The following ADGRL3 variants were observed in gnomAD, a reference collection of about 807,000 sequenced individuals.
ADGRL3 encodes the protein calcium-independent alpha-latrotoxin receptor 3.
A neutral mutation model predicts 153.5 loss-of-function variants in ADGRL3; 62 were observed. The ratio of observed to expected loss-of-function variants is 0.40; its 90% CI spans 0.33 to 0.50. The LOEUF (loss-of-function observed/expected upper bound fraction) is 0.50. Ranked by LOEUF, ADGRL3 falls within the 20% of genes least tolerant of loss-of-function variation. The pLI is 0.47. For missense variants in ADGRL3, 1,641 were observed against 1,859.4 expected, an observed-to-expected ratio of 0.88 and a Z score of 2.16; for synonymous variants, 710 against 672.5, an observed-to-expected ratio of 1.06 and a Z score of -0.86.
chr4:61,889,742 A>G (rs1275550929), intron 9 of ADGRL3, among the ~76,000 whole-genome samples: 1 of 152,178 alleles, frequency 6.6e-6, no homozygotes, highest in Admixed American at 6.5e-5. Flanking sequence ...CATATATCAC[A>G]CAGCAAGCAA....
intron 5 of ADGRL3, among the ~76,000 whole-genome samples, chr4:61,596,770 A>G (rs1472465724): frequency 6.6e-6 from 1 of 152,050 alleles, no homozygotes; most frequent in East Asian, 1.9e-4. Context: ...AAGTGGGAGG[A>G]TTGCTTGAGT....
At chr4:61,891,114 A>G (rs1428361237) in intron 9 of ADGRL3, among the ~76,000 whole-genome samples, 2 of 152,214 alleles carry the variant, frequency 1.3e-5, no homozygotes, top group Non-Finnish European at 2.9e-5. Context: ...AAAAGTAAAT[A>G]TTGAAATGAC....
At chr4:62,020,083 TGTTCTA>T (rs1268387051) in intron 21 of ADGRL3, among the ~76,000 whole-genome samples, 2 of 152,146 alleles carry the variant, frequency 1.3e-5, no homozygotes, top group African/African-American at 4.8e-5. Flanking sequence ...GCTTTTCTTG[TGTTCTA>T]GTTATTCTCC....
chr4:62,006,023 TATATATATA>T (rs1221755222), intron 21 of ADGRL3, among the ~76,000 whole-genome samples: 152 of 104,332 alleles, frequency 1.5e-3, no homozygotes, highest in African/African-American at 4.9e-3. Flanking sequence ...TATATATATA[TATATATATA>T]TTTTTTTTTT....
intron 9 of ADGRL3, among the ~76,000 whole-genome samples, chr4:61,843,670 T>C (rs2098068473): frequency 6.6e-6 from 1 of 152,204 alleles, no homozygotes; most frequent in Non-Finnish European, 1.5e-5. Context: ...GGATTTTCTG[T>C]CACTAACAGA....
intron 8 of ADGRL3, among the ~76,000 whole-genome samples, chr4:61,771,152 C>T (rs2097081264): frequency 6.6e-6 from 1 of 152,164 alleles, no homozygotes; most frequent in Non-Finnish European, 1.5e-5. Context: ...GACTGAGTCC[C>T]TCCATATTGA....
chr4:61,533,307 A>C (rs1301639887), intron 4 of ADGRL3, among the ~76,000 whole-genome samples: 2 of 152,162 alleles, frequency 1.3e-5, no homozygotes, highest in South Asian at 2.1e-4. Context: ...GAAGAGGTAG[A>C]CTGGTTTTAG....
rs1225945251 is a variant in ADGRL3, at chr4:61,230,944, G to C, written c.-240+29179G>C. Among the ~76,000 whole-genome samples, 4 of 152,176 alleles carry C rather than the reference G, an allele frequency of 2.6e-5. No individual in the cohort carries two copies. The East Asian group carries it at 5.8e-4, about 22-fold the overall frequency. On this transcript the variant is annotated intron_variant, in intron 1 of 26. Transcript: ENST00000683033. ...GGGTGGCTTGGCCACAGTTTGTCAG[G>C]TTTTTGTCCCGTGCAAGCATCTAGT...
chr4:61,962,532 G>T (rs915704186), intron 17 of ADGRL3, among the ~76,000 whole-genome samples: 4 of 151,892 alleles, frequency 2.6e-5, no homozygotes, highest in Non-Finnish European at 4.4e-5. Context: ...ATGATATTTT[G>T]TAAAGTCCAG....
intron 4 of ADGRL3, among the ~76,000 whole-genome samples, chr4:61,528,508 A>G (rs1036657290): frequency 6.6e-6 from 1 of 152,108 alleles, no homozygotes; most frequent in African/African-American, 2.4e-5. Context: ...GAGTAAATAA[A>G]TTAATAGGAT....
intron 1 of ADGRL3, among the ~76,000 whole-genome samples, chr4:61,207,063 ATTATAC>A (rs1218037232): frequency 6.6e-6 from 1 of 152,182 alleles, no homozygotes; most frequent in Non-Finnish European, 1.5e-5. Context: ...TATTATTATT[ATTATAC>A]TTTTAAATTC....
chr4:61,684,430 C>T (rs573199677), intron 6 of ADGRL3, among the ~76,000 whole-genome samples: 2 of 152,136 alleles, frequency 1.3e-5, no homozygotes, highest in African/African-American at 4.8e-5. Flanking sequence ...TGTGTTCCTG[C>T]TAATCTAATT....
chr4:61,951,628 G>T, intron 17 of ADGRL3, among the ~76,000 whole-genome samples: 1 of 152,186 alleles, frequency 6.6e-6, no homozygotes, highest in East Asian at 1.9e-4. Flanking sequence ...TACTTCGGGA[G>T]GCTGAGGTGG....
intron 4 of ADGRL3, among the ~76,000 whole-genome samples, chr4:61,518,860 T>A (rs1426262482): frequency 6.6e-6 from 1 of 152,248 alleles, no homozygotes; most frequent in African/African-American, 2.4e-5. Context: ...TTTCCCTTTC[T>A]GTTTTATTTG....
intron 14 of ADGRL3, among the ~76,000 whole-genome samples, chr4:61,935,473 A>G (rs963943491): frequency 2.0e-5 from 3 of 152,184 alleles, no homozygotes; most frequent in African/African-American, 7.2e-5. Flanking sequence ...TATAAAGGAT[A>G]TCAGTCTATT....
Position 61,909,541 on chromosome 4 carries a change from T to G in ADGRL3, c.1888-19T>G. ...TTATGTGAGATCTCTTTCCTTTGTA[T>G]TCCATTTAAAAATTATAGTTGAAAT... On this transcript the variant is annotated intron_variant, in intron 11 of 26. Coordinates refer to ENST00000683033, the MANE Select transcript of ADGRL3 (RefSeq NM_001387552.1). 1 of 1,582,608 alleles carries G rather than the reference T, an allele frequency of 6.3e-7. No individual in the cohort carries two copies. The highest frequency in any genetic ancestry group is 8.6e-7 in the Non-Finnish European group (1 of 1,156,116).
intron 1 of ADGRL3, among the ~76,000 whole-genome samples, chr4:61,371,821 A>C (rs2096533840): frequency 6.6e-6 from 1 of 152,058 alleles, no homozygotes; most frequent in African/African-American, 2.4e-5. Context: ...TATCCTGCAG[A>C]GTGTTTTCCA....
chr4:61,424,143 A>G (rs929503960), intron 2 of ADGRL3, among the ~76,000 whole-genome samples: 4 of 152,116 alleles, frequency 2.6e-5, no homozygotes, highest in African/African-American at 9.7e-5. Flanking sequence ...TGTCCCTCAC[A>G]GTGTCAGTGA....
intron 2 of ADGRL3, among the ~76,000 whole-genome samples, chr4:61,411,722 G>T (rs1191613880): frequency 3.3e-5 from 5 of 151,954 alleles, no homozygotes; most frequent in Admixed American, 3.3e-4. Flanking sequence ...TTCAAGATCT[G>T]TCATAAATTT....
Sources: gnomAD v4.1 joint callset for allele counts (sites outside exome capture counted in the v4.1 genomes callset) on GRCh38, gnomAD v4.1.1 for gene constraint, MANE v1.5 for transcripts, NCBI Gene and HGNC (gene_info 2026-07-23, HGNC 2026-07-21) for gene names.